Variants in ZNF2 observed in about 807,000 individuals in gnomAD.
ZNF2 encodes zinc finger protein 2.2.
In ZNF2, 12 loss-of-function variants were observed where a neutral mutation model predicts 21.9. That is an observed-to-expected ratio of 0.55 (90% CI 0.35 to 0.89). The LOEUF is 0.89. ZNF2 is among the 40% of genes least tolerant of loss of function. The pLI is 0.01. For synonymous variants in ZNF2, 186 were observed against 196.3 expected, an observed-to-expected ratio of 0.95 and a Z score of 0.44; for missense variants, 462 against 544.2, an observed-to-expected ratio of 0.85 and a Z score of 1.50.
At chr2:95,176,097 C>G in intron 1 of ZNF2, 91 bp from the exon 2 acceptor site, 1 of 1,123,758 alleles carries the variant, frequency 8.9e-7, no homozygotes, top group Non-Finnish European at 1.4e-6. Flanking sequence ...TGACATATCC[C>G]CCTGGTATGT....
intron 3 of ZNF2, among the ~76,000 whole-genome samples, chr2:95,178,386 T>C (rs1297395043): frequency 2.0e-5 from 3 of 152,156 alleles, no homozygotes; most frequent in African/African-American, 7.2e-5. Context: ...CCCCCCAGAT[T>C]AACTTAATCA....
intron 3 of ZNF2, among the ~76,000 whole-genome samples, chr2:95,177,957 G>A (rs150770098): frequency 3.3e-5 from 5 of 152,290 alleles, no homozygotes; most frequent in Admixed American, 6.5e-5. Flanking sequence ...GGCAGAAGAC[G>A]CTGAGTTTCA....
At chr2:95,167,847 C>CAAA (rs113305303) in intron 1 of ZNF2, among the ~76,000 whole-genome samples, 1 of 67,428 alleles carries the variant, frequency 1.5e-5, no homozygotes. Context: ...AATTCCGTCT[C>CAAA]AAAAAAAAAA....
At position 95,184,295 on chromosome 2, in the gene ZNF2, A is replaced by C. The variant is rs1674789700; in HGVS notation, c.*2189A>C. 6.6e-6 allele frequency: 1 copy of C among 152,230 alleles called. No individual in the cohort carries two copies. Among genetic ancestry groups the C allele is most frequent in the Non-Finnish European group, 1.5e-5 (1 of 68,042 alleles). The allele number at this position is 152,230 out of a possible 1,614,324, so 9.4% of individuals were successfully genotyped here. ...ATATTGCTAAATAATGTCAAGTAGG[A>C]AATAAAAGAGACTATTGACAAACTT... On this transcript the variant is annotated 3_prime_UTR_variant, in exon 5 of 5. Transcript: ENST00000614034.
chr2:95,171,652 A>G (rs1293644015), intron 1 of ZNF2, among the ~76,000 whole-genome samples: 1 of 152,208 alleles, frequency 6.6e-6, no homozygotes, highest in East Asian at 1.9e-4. Flanking sequence ...AAGTGCTGAG[A>G]TTACAGGCGT....
intron 2 of ZNF2, among the ~76,000 whole-genome samples, chr2:95,176,743 G>A (rs1674456023): frequency 6.6e-6 from 1 of 152,126 alleles, no homozygotes; most frequent in Non-Finnish European, 1.5e-5. Flanking sequence ...CCTGCCCGAG[G>A]GCAGAGTCTT....
intron 2 of ZNF2, among the ~76,000 whole-genome samples, chr2:95,176,701 C>T (rs774695412): frequency 6.6e-6 from 1 of 152,180 alleles, no homozygotes; most frequent in Non-Finnish European, 1.5e-5. Context: ...AAGAGAGTCT[C>T]CTGTGCTAGA....
At chr2:95,167,121 T>C (rs1199578589) in intron 1 of ZNF2, among the ~76,000 whole-genome samples, 1 of 152,080 alleles carries the variant, frequency 6.6e-6, no homozygotes, top group African/African-American at 2.4e-5. Flanking sequence ...ATTTTAGTGG[T>C]TGGAAGAAAA....
chr2:95,181,179 G>A lies in ZNF2; in HGVS notation c.351G>A (p.Arg117=), dbSNP rs749956806. 2 of 1,614,200 alleles carry A rather than the reference G, an allele frequency of 1.2e-6. No homozygotes were observed. ...SEGSLRECLG[R]QSPLCPKFEV... ...GATCATTGAGGGAATGCCTTGGAAG[G>A]CAAAGTCCTCTGTGTCCTAAATTTG... The change falls in exon 5 of 5, where the codon AGG becomes AGA. Residue 117 remains arginine (R), a synonymous_variant. Transcript: ENST00000614034.
At position 95,183,763 on chromosome 2, in the gene ZNF2, G is replaced by A. The variant is rs1242565952; in HGVS notation, c.*1657G>A. Reference sequence around the variant, plus strand: ...AGCCTCCCGAATAGCTGGGACTACAGGTGCCCGCCAACACGCCCGGCTAAT... The same window carrying A: ...AGCCTCCCGAATAGCTGGGACTACAAGTGCCCGCCAACACGCCCGGCTAAT... On this transcript the variant is annotated 3_prime_UTR_variant, in exon 5 of 5. Transcript: ENST00000614034. 3 of 151,984 alleles carry A rather than the reference G, an allele frequency of 2.0e-5. No individual in the cohort carries two copies. Among genetic ancestry groups the A allele is most frequent in the Non-Finnish European group, 2.9e-5 (2 of 68,076 alleles). The allele number at this position is 151,984 out of a possible 1,614,324, so 9.4% of individuals were successfully genotyped here. A position where few individuals can be genotyped will look rare whatever the true frequency, so the allele number is the denominator to read the frequency against.
rs1478044492 is a variant in ZNF2 at position 95,176,170 on chromosome 2, C to T, written c.-39-18C>T. ...TTTCTCCTACCTTCTTTCTCACCCC[C>T]CACTTCTGCCTCATTAGGACTCTGC... On this transcript the variant is annotated intron_variant, in intron 1 of 4. Coordinates refer to ENST00000614034, the MANE Select transcript of ZNF2 (RefSeq NM_021088.4). 3.0e-5 allele frequency: 49 copies of T among 1,609,462 alleles called. No homozygotes were observed. The highest frequency in any genetic ancestry group is 4.1e-5 in the Non-Finnish European group (48 of 1,175,968).
At chr2:95,170,867 T>A (rs1310205041) in intron 1 of ZNF2, among the ~76,000 whole-genome samples, 1 of 152,254 alleles carries the variant, frequency 6.6e-6, no homozygotes, top group Non-Finnish European at 1.5e-5. Context: ...GTTTGGGGTA[T>A]GTAGTTCTGT....
At chr2:95,167,300 C>T (rs1279100402) in intron 1 of ZNF2, among the ~76,000 whole-genome samples, 3 of 151,774 alleles carry the variant, frequency 2.0e-5, no homozygotes, top group African/African-American at 4.8e-5. Flanking sequence ...GTCAGGAGAT[C>T]GAGACCATCC....
At position 95,166,647 on chromosome 2, in the gene ZNF2, A is replaced by G. The variant is rs550820798; in HGVS notation, c.-40+787A>G. The stretch of plus-strand genomic sequence containing the variant: ...GAGTAAGATGTTGTGGACTTGAATT[A>G]TGGTGGTGGTAGTGAAAGGGAAGGA... On this transcript the variant is annotated intron_variant, in intron 1 of 4. Transcript: ENST00000614034. Among the ~76,000 whole-genome samples, 265 of 152,292 alleles carry G rather than the reference A, an allele frequency of 1.7e-3. 2 individuals are homozygous for G. The highest frequency in any genetic ancestry group is 6.2e-3 in the African/African-American group (256 of 41,562).
rs141575033 is a variant in ZNF2, at chr2:95,173,121, G to T, written c.-39-3067G>T. 8.3e-3 allele frequency among the ~76,000 whole-genome samples: 1,254 copies of T among 151,698 alleles called. 53 individuals carry two copies. Among genetic ancestry groups the T allele is most frequent in the Admixed American group, 0.057 (866 of 15,236 alleles). Reference sequence around the variant, plus strand: ...AGATTTTTGTAGGTATTATTTACCTGTTTTTAAATTTTATGTAAATATTAT... The same window carrying T: ...AGATTTTTGTAGGTATTATTTACCTTTTTTTAAATTTTATGTAAATATTAT... On this transcript the variant is annotated intron_variant, in intron 1 of 4. Transcript: ENST00000614034.
chr2:95,170,412 G>T (rs1359383159), intron 1 of ZNF2, among the ~76,000 whole-genome samples: 5 of 152,096 alleles, frequency 3.3e-5, no homozygotes, highest in South Asian at 2.1e-4. Flanking sequence ...CACCCTCAAG[G>T]TAATATTCTT....
intron 3 of ZNF2, among the ~76,000 whole-genome samples, chr2:95,179,648 G>A (rs1440445093): frequency 6.6e-6 from 1 of 152,226 alleles, no homozygotes; most frequent in Non-Finnish European, 1.5e-5. Context: ...TTCTGACCTT[G>A]TGCCACTTGC....
At chr2:95,179,145 C>T (rs1382220564) in intron 3 of ZNF2, among the ~76,000 whole-genome samples, 1 of 152,018 alleles carries the variant, frequency 6.6e-6, no homozygotes, top group South Asian at 2.1e-4. Context: ...CCATGGGCCA[C>T]CATGCCCTGC....
At position 95,184,061 on chromosome 2, in the gene ZNF2, T is replaced by C. The variant is rs1674780607; in HGVS notation, c.*1955T>C. The C allele has an allele frequency of 6.6e-6, 1 of 152,174 alleles. No individual in the cohort carries two copies. Among genetic ancestry groups the C allele is most frequent in the Admixed American group, 6.5e-5 (1 of 15,268 alleles). 9.4% of individuals were successfully genotyped at this position (152,174 alleles called of 1,614,324 possible). ...CTGGAATTAGATTGTCCTACGTGAT[T>C]CCCAGTGAATTGAGATGAATTTCCT... is the stretch of plus-strand genomic sequence containing the variant. On this transcript the variant is annotated 3_prime_UTR_variant, in exon 5 of 5. Transcript: ENST00000614034.
Sources: allele counts gnomAD v4.1 joint callset (sites outside exome capture counted in the v4.1 genomes callset), GRCh38; gene constraint gnomAD v4.1.1; transcripts MANE v1.5; gene names NCBI Gene and HGNC (gene_info 2026-07-23, HGNC 2026-07-21).